CHD9: variants seen among roughly 807,000 people sequenced by gnomAD.
CHD9 encodes the protein ATP-dependent chromatin remodeler CHD9.
In CHD9, 77 loss-of-function variants were observed where a neutral mutation model predicts 316.1. The ratio of observed to expected loss-of-function variants is 0.24; its 90% CI spans 0.20 to 0.29. CHD9 has a LOEUF of 0.29. Among genes scored for constraint, CHD9 ranks in the 10% least tolerant of loss-of-function variants. The pLI, the probability that CHD9 is intolerant of heterozygous loss-of-function variation, is 1.00. For synonymous variants in CHD9, 1,129 were observed against 1,158.3 expected (o/e 0.97, Z 0.51); for missense variants, 2,763 against 3,438.1 (o/e 0.80, Z 4.91).
chr16:53,114,091 A>T (rs1384564165), intron 1 of CHD9, among the ~76,000 whole-genome samples: 1 of 152,124 alleles, frequency 6.6e-6, no homozygotes, highest in Non-Finnish European at 1.5e-5. Flanking sequence ...TTCTTTAAAA[A>T]AAAAAAAAGA....
chr16:53,221,867 G>C (rs1405988538), intron 3 of CHD9, among the ~76,000 whole-genome samples: 1 of 151,982 alleles, frequency 6.6e-6, no homozygotes, highest in Non-Finnish European at 1.5e-5. Context: ...TAACGAATAG[G>C]GGGATTCAAG....
chr16:53,305,611 A>G (rs752115425), intron 31 of CHD9, among the ~76,000 whole-genome samples: 8 of 152,230 alleles, frequency 5.3e-5, no homozygotes, highest in Non-Finnish European at 1.2e-4. Flanking sequence ...GTCTTAAGCT[A>G]ATGAGAATAT....
chr16:53,175,973 G>A (rs1326617988), intron 2 of CHD9, among the ~76,000 whole-genome samples: 14 of 152,276 alleles, frequency 9.2e-5, no homozygotes, highest in South Asian at 2.1e-4. Flanking sequence ...ACTGTCTGTC[G>A]CCTTAGAATA....
At chr16:53,080,544 T>C (rs1317795463) in intron 1 of CHD9, among the ~76,000 whole-genome samples, 1 of 152,216 alleles carries the variant, frequency 6.6e-6, no homozygotes, top group Non-Finnish European at 1.5e-5. Context: ...TCATTCGTGA[T>C]GTGTTTTTGA....
At chr16:53,316,377 A>G (rs2056886077) in intron 36 of CHD9, among the ~76,000 whole-genome samples, 1 of 152,164 alleles carries the variant, frequency 6.6e-6, no homozygotes, top group Non-Finnish European at 1.5e-5. Flanking sequence ...TAAACAATAT[A>G]AAGTTTTTGC....
At position 53,243,116 on chromosome 16, in the gene CHD9, G is replaced by A. The variant is rs1057411739; in HGVS notation, c.3054+100G>A. 4 of 729,330 alleles carry A rather than the reference G, an allele frequency of 5.5e-6. No homozygotes were observed. In the African/African-American group the frequency reaches 7.2e-5, roughly 13 times the overall value. 45.2% of individuals were successfully genotyped at this position (729,330 alleles called of 1,614,324 possible). On this transcript the variant is annotated intron_variant, in intron 13 of 38. Coordinates refer to ENST00000447540, the MANE Select transcript of CHD9 (RefSeq NM_001308319.2). ...AAAAATTTTTCTTTTTAATTTTAGA[G>A]TGTAGTACATCTGAATCTTATCTGT...
Position 53,123,013 on chromosome 16 carries a change from G to T in CHD9, c.-164-32913G>T, listed in dbSNP as rs552926403. Reference sequence around the variant, plus strand: ...ATTACAGGAGTGAGCCACCGCGCCCGGCCCACACCCAGCTAATTTTTATAT... The same window carrying T: ...ATTACAGGAGTGAGCCACCGCGCCCTGCCCACACCCAGCTAATTTTTATAT... On this transcript the variant is annotated intron_variant, in intron 1 of 38. Transcript: ENST00000447540. Among the ~76,000 whole-genome samples, 234 of 150,740 alleles carry T rather than the reference G, an allele frequency of 1.6e-3. 1 individual carries two copies. Among genetic ancestry groups the T allele is most frequent in the Middle Eastern group, 3.4e-3 (1 of 292 alleles).
intron 2 of CHD9, among the ~76,000 whole-genome samples, chr16:53,195,986 G>A (rs1019852322): frequency 1.3e-5 from 2 of 151,962 alleles, no homozygotes; most frequent in Admixed American, 6.6e-5. Context: ...TTGAATGCTT[G>A]GCCTCAAATG....
At chr16:53,273,586 A>G (rs2052502740) in intron 22 of CHD9, 40 bp from the exon 23 acceptor site, 1 of 1,462,438 alleles carries the variant, frequency 6.8e-7, no homozygotes, top group Non-Finnish European at 9.1e-7. Context: ...GCAAATTTTT[A>G]TACAAATTAT....
At chr16:53,075,460 C>T (rs2034444305) in intron 1 of CHD9, among the ~76,000 whole-genome samples, 1 of 152,092 alleles carries the variant, frequency 6.6e-6, no homozygotes, top group Non-Finnish European at 1.5e-5. Context: ...CTCTGTACCC[C>T]CACCCGAATT....
At chr16:53,095,567 T>A (rs1395326661) in intron 1 of CHD9, among the ~76,000 whole-genome samples, 1 of 150,976 alleles carries the variant, frequency 6.6e-6, no homozygotes, top group African/African-American at 2.5e-5. Flanking sequence ...AAAATTAAAA[T>A]TAAAACAAAA....
intron 1 of CHD9, among the ~76,000 whole-genome samples, chr16:53,150,083 TTTCA>T (rs2040974638): frequency 6.6e-6 from 1 of 152,142 alleles, no homozygotes; most frequent in Non-Finnish European, 1.5e-5. Flanking sequence ...AAGTAGAAAA[TTTCA>T]TTCATTTACA....
chr16:53,216,355 T>G (rs567685874), intron 3 of CHD9, among the ~76,000 whole-genome samples: 3 of 152,160 alleles, frequency 2.0e-5, no homozygotes, highest in African/African-American at 7.2e-5. Context: ...TAGAGATTTC[T>G]GATTTTATGA....
At chr16:53,320,236 C>T (rs1040405401) in intron 37 of CHD9, among the ~76,000 whole-genome samples, 6 of 149,146 alleles carry the variant, frequency 4.0e-5, no homozygotes, top group Non-Finnish European at 5.9e-5. Flanking sequence ...TGTAAGAATA[C>T]TTGTGTTGGG....
At position 53,315,118 on chromosome 16, in the gene CHD9, T is replaced by G. The variant is rs930115327; in HGVS notation, c.7584+74T>G. ...CAGATCTATCATGATGAAGCATAAA[T>G]TCTCATCCACTTATGCTAAATATGT... On this transcript the variant is annotated intron_variant, in intron 36 of 38. Coordinates refer to ENST00000447540, the MANE Select transcript of CHD9 (RefSeq NM_001308319.2). The G allele has an allele frequency of 7.7e-5, 84 of 1,088,452 alleles. 1 individual carries two copies. In the African/African-American group the frequency reaches 1.3e-3, roughly 16 times the overall value. The allele number at this position is 1,088,452 out of a possible 1,614,324, so 67.4% of individuals were successfully genotyped here.
chr16:53,084,277 C>G (rs1279058995), intron 1 of CHD9, among the ~76,000 whole-genome samples: 1 of 152,262 alleles, frequency 6.6e-6, no homozygotes, highest in East Asian at 1.9e-4. Flanking sequence ...CTTCTATGGG[C>G]AGGTGAATTT....
chr16:53,227,882 G>A (rs1293923975), intron 7 of CHD9, among the ~76,000 whole-genome samples: 1 of 151,786 alleles, frequency 6.6e-6, no homozygotes, highest in Non-Finnish European at 1.5e-5. Context: ...TGAAGAGATC[G>A]AGACCATCCT....
intron 1 of CHD9, among the ~76,000 whole-genome samples, chr16:53,103,191 T>A (rs2037049468): frequency 2.0e-5 from 1 of 50,908 alleles, no homozygotes; most frequent in Non-Finnish European, 3.4e-5. Context: ...ATTTTATTTG[T>A]TTTTTTTTTC....
intron 1 of CHD9, among the ~76,000 whole-genome samples, chr16:53,137,396 TC>T (rs764137462): frequency 3.3e-5 from 5 of 152,172 alleles, no homozygotes; most frequent in Non-Finnish European, 7.4e-5. Context: ...CCTACACCCA[TC>T]TTTCGGTGCA....
Sources: allele counts gnomAD v4.1 joint callset (sites outside exome capture counted in the v4.1 genomes callset), GRCh38; gene constraint gnomAD v4.1.1; transcripts MANE v1.5; gene names NCBI Gene and HGNC (gene_info 2026-07-23, HGNC 2026-07-21).